CATSPERE: variants seen among roughly 807,000 people sequenced by gnomAD.
The protein encoded by CATSPERE is catsper channel auxiliary subunit epsilon.
A neutral mutation model predicts 114.1 loss-of-function variants in CATSPERE; 93 were observed. The ratio of observed to expected loss-of-function variants is 0.81; its 90% CI spans 0.69 to 0.97. The LOEUF (loss-of-function observed/expected upper bound fraction) is 0.97. CATSPERE is among the 50% of genes least tolerant of loss of function. CATSPERE has a pLI of 0.00. For missense variants in CATSPERE, 1,058 were observed against 1,131.6 expected (o/e 0.93, Z 0.93); for synonymous variants, 341 against 384.1 (o/e 0.89, Z 1.31).
At chr1:244,627,832 T>C (rs1449838199) in intron 20 of CATSPERE, among the ~76,000 whole-genome samples, 1 of 152,218 alleles carries the variant, frequency 6.6e-6, no homozygotes, top group Non-Finnish European at 1.5e-5. Flanking sequence ...AACTATGAGA[T>C]AGAAAATTCC....
At chr1:244,532,654 G>C (rs3005953) in intron 8 of CATSPERE, among the ~76,000 whole-genome samples, 19,529 of 152,014 alleles carry the variant, frequency 0.13, 2,167 homozygotes, top group African/African-American at 0.3. Flanking sequence ...TAAATTTGAT[G>C]TGTTAGAATA....
chr1:244,495,857 A>G (rs1274817895), intron 6 of CATSPERE, among the ~76,000 whole-genome samples: 3 of 152,206 alleles, frequency 2.0e-5, no homozygotes, highest in Non-Finnish European at 4.4e-5. Flanking sequence ...CAGATAAGGG[A>G]TTACCCAGAT....
At position 244,582,910 on chromosome 1, in the gene CATSPERE, GATATATATATATATATATATATATATAT is replaced by G. The variant is rs66677443; in HGVS notation, c.2010-914_2010-887del. Among the ~76,000 whole-genome samples the G allele has an allele frequency of 3.3e-3, 465 of 142,342 alleles. 6 individuals carry two copies. The highest frequency in any genetic ancestry group is 0.01 in the Middle Eastern group (3 of 288). The allele number at this position is 142,342 out of a possible 152,430, so 93.4% of individuals were successfully genotyped here. ...AAGTGCTATGAAGAAAACAGAATTT[GATATATATATATATATATATATATATAT>G]ATATATATATATATATATATATATA... is the stretch of plus-strand genomic sequence containing the variant. On this transcript the variant is annotated intron_variant, in intron 12 of 21. Coordinates refer to ENST00000366534, the MANE Select transcript of CATSPERE (RefSeq NM_001130957.2).
chr1:244,544,681 A>T (rs997555737), intron 8 of CATSPERE, among the ~76,000 whole-genome samples: 9 of 152,218 alleles, frequency 5.9e-5, no homozygotes, highest in Non-Finnish European at 1.3e-4. Flanking sequence ...AGATGCAGGG[A>T]TGGTATGATT....
At chr1:244,584,062 T>G (rs553158920) in intron 13 of CATSPERE, 123 bp downstream of exon 13, 2 of 645,034 alleles carry the variant, frequency 3.1e-6, no homozygotes, top group Admixed American at 5.5e-5. Flanking sequence ...AATACCTCCA[T>G]AGAGTACCAT....
intron 20 of CATSPERE, among the ~76,000 whole-genome samples, chr1:244,625,728 A>G (rs1238272387): frequency 6.6e-6 from 1 of 150,870 alleles, no homozygotes; most frequent in African/African-American, 2.4e-5. Flanking sequence ...CGCCTGGCCT[A>G]TTTTTATTCT....
chr1:244,624,669 A>C (rs1448872044), intron 20 of CATSPERE, among the ~76,000 whole-genome samples: 1 of 151,860 alleles, frequency 6.6e-6, no homozygotes, highest in Non-Finnish European at 1.5e-5. Context: ...GGGCATGGTG[A>C]TGGGCGCCTG....
intron 19 of CATSPERE, 145 bp downstream of exon 19, chr1:244,610,471 TA>T: frequency 4.2e-6 from 3 of 718,566 alleles, no homozygotes; most frequent in South Asian, 1.5e-5. Context: ...TGTATCATGG[TA>T]TTTTTAAAAT....
chr1:244,563,696 A>G (rs1397700958), intron 10 of CATSPERE, among the ~76,000 whole-genome samples: 4 of 152,116 alleles, frequency 2.6e-5, no homozygotes, highest in Admixed American at 6.5e-5. Context: ...ATTTTCTCCC[A>G]TTCTGTAGGT....
intron 8 of CATSPERE, among the ~76,000 whole-genome samples, chr1:244,541,915 C>T (rs1283477416): frequency 1.4e-5 from 2 of 139,966 alleles, no homozygotes; most frequent in Admixed American, 7.2e-5. Flanking sequence ...GAACAAAAAA[C>T]CAAACACCGC....
intron 2 of CATSPERE, among the ~76,000 whole-genome samples, chr1:244,469,763 A>G (rs1018038842): frequency 1.3e-5 from 2 of 152,200 alleles, no homozygotes; most frequent in Middle Eastern, 3.2e-3. Flanking sequence ...GAAAAAGTGG[A>G]AGGACTCACA....
chr1:244,477,973 C>G lies in CATSPERE; in HGVS notation c.256C>G (p.Pro86Ala), dbSNP rs1456606206. ...CGCTATAAAACCAATTGTTACTGGC[C>G]CAGTAAGTTGTTTTAATGATATGTT... is the stretch of plus-strand genomic sequence containing the variant. ...VHAIKPIVTG[P>A]DEEERYLFVE... Residue 86 changes from proline to alanine, a missense_variant and splice_region_variant, in exon 4 of 22, where the codon CCA becomes GCA. Pro to Ala is a conservative substitution (Grantham distance 27). Around this residue, in one of 2 missense-constraint regions of CATSPERE, gnomAD observed 271 missense variants for 225.9 expected, o/e 1.20. Transcript: ENST00000366534. 1.9e-6 allele frequency: 3 copies of G among 1,588,672 alleles called. No individual in the cohort carries two copies. The Admixed American group carries it at 5.1e-5, about 27-fold the overall frequency.
At chr1:244,563,138 T>C (rs1662853734) in intron 10 of CATSPERE, among the ~76,000 whole-genome samples, 1 of 152,218 alleles carries the variant, frequency 6.6e-6, no homozygotes, top group Non-Finnish European at 1.5e-5. Context: ...CTATCACTGA[T>C]GGGCATTTGG....
At chr1:244,471,300 G>A (rs1668442490) in intron 2 of CATSPERE, among the ~76,000 whole-genome samples, 1 of 151,998 alleles carries the variant, frequency 6.6e-6, no homozygotes, top group Non-Finnish European at 1.5e-5. Flanking sequence ...GTCATTTTCT[G>A]TTTGTTTATG....
intron 6 of CATSPERE, among the ~76,000 whole-genome samples, chr1:244,498,267 C>T (rs1673432032): frequency 6.6e-6 from 1 of 152,036 alleles, no homozygotes; most frequent in Non-Finnish European, 1.5e-5. Context: ...GTTTAGCATG[C>T]TAGCATTTTG....
chr1:244,590,850 T>G (rs1377898148), intron 14 of CATSPERE, among the ~76,000 whole-genome samples: 1 of 152,194 alleles, frequency 6.6e-6, no homozygotes, highest in Non-Finnish European at 1.5e-5. Context: ...TCATGGATAT[T>G]TGGGATGTTT....
intron 19 of CATSPERE, among the ~76,000 whole-genome samples, chr1:244,615,685 T>C (rs1489452326): frequency 6.6e-6 from 1 of 152,148 alleles, no homozygotes; most frequent in Non-Finnish European, 1.5e-5. Flanking sequence ...TGCTATGCAG[T>C]ACATGACTGT....
At chr1:244,527,645 G>C (rs945534041) in intron 8 of CATSPERE, among the ~76,000 whole-genome samples, 1 of 152,178 alleles carries the variant, frequency 6.6e-6, no homozygotes, top group Non-Finnish European at 1.5e-5. Context: ...AATCACAAGC[G>C]TATTGATTGG....
intron 20 of CATSPERE, among the ~76,000 whole-genome samples, chr1:244,619,629 G>C (rs775862104): frequency 6.6e-6 from 1 of 152,182 alleles, no homozygotes; most frequent in Admixed American, 6.5e-5. Context: ...CCACAAGTAA[G>C]AGGGGGCTTC....
Sources: allele counts gnomAD v4.1 joint callset (sites outside exome capture counted in the v4.1 genomes callset), GRCh38; gene constraint gnomAD v4.1.1; regional missense constraint gnomAD v4.1.1; transcripts MANE v1.5; gene names NCBI Gene and HGNC (gene_info 2026-07-23, HGNC 2026-07-21).